Variants in EDEM3 observed in about 807,000 individuals in gnomAD.
EDEM3 encodes ER degradation enhancing alpha-mannosidase like protein 3.
EDEM3 carries 60 observed loss-of-function variants against 110.2 expected under a neutral mutation model. The observed-to-expected ratio is 0.54, with a 90% confidence interval of 0.44 to 0.67. The LOEUF (loss-of-function observed/expected upper bound fraction) is 0.67. Ranked by LOEUF, EDEM3 falls within the 30% of genes least tolerant of loss-of-function variation. EDEM3 has a pLI of 0.00. For missense variants in EDEM3, 996 were observed against 1,121.0 expected, an observed-to-expected ratio of 0.89 and a Z score of 1.59; for synonymous variants, 352 against 382.9, an observed-to-expected ratio of 0.92 and a Z score of 0.94.
In EDEM3 at chr1:184,716,943, C is replaced by T; in HGVS notation, c.1315G>A (p.Val439Met). Residue 439 changes from valine to methionine, a missense_variant, in exon 13 of 20, where the codon GTG (valine) becomes ATG (methionine). By Grantham distance (21) the Val-to-Met change is conservative. Coordinates refer to ENST00000318130, the MANE Select transcript of EDEM3 (RefSeq NM_025191.4). ...TTCATGGCAGCAAATCCGCAAGGCA[C>T]TCTAGCATATTTATTTAAATTTTCA... ...LIENLNKYARVPCGFAAMKDV... is the reference protein window; with the variant it reads ...LIENLNKYARMPCGFAAMKDV... 1 of 1,613,258 alleles carries T rather than the reference C, an allele frequency of 6.2e-7. No homozygotes were observed. Among genetic ancestry groups the T allele is most frequent in the Non-Finnish European group, 8.5e-7 (1 of 1,179,338 alleles).
intron 2 of EDEM3, among the ~76,000 whole-genome samples, chr1:184,746,226 T>C (rs956121583): frequency 6.6e-6 from 1 of 152,204 alleles, no homozygotes; most frequent in South Asian, 2.1e-4. Context: ...TGTAGTAATC[T>C]ACCTAAAGCT....
Position 184,711,931 on chromosome 1 carries a change from A to ATTT in EDEM3, c.1537-57_1537-55dup, listed in dbSNP as rs35621191. The ATTT allele has an allele frequency of 1.2e-4, 131 of 1,073,236 alleles. No homozygotes were observed. In the East Asian group the frequency reaches 1.6e-3, roughly 13 times the overall value. The allele number at this position is 1,073,236 out of a possible 1,614,324, so 66.5% of individuals were successfully genotyped here. A position where few individuals can be genotyped will look rare whatever the true frequency, so the allele number is the denominator to read the frequency against. ...AGAAATAATTATTTTACTTAACATA[A>ATTT]TTTTTTTTTTTTTGAAATGGAGTCT... On this transcript the variant is annotated intron_variant, in intron 14 of 19. Transcript: ENST00000318130.
intron 19 of EDEM3, among the ~76,000 whole-genome samples, chr1:184,696,012 T>C (rs1288249352): frequency 6.6e-6 from 1 of 151,962 alleles, no homozygotes; most frequent in African/African-American, 2.4e-5. Context: ...TCTGATCCTC[T>C]TTCCTGAAGC....
intron 17 of EDEM3, 130 bp downstream of exon 17, chr1:184,708,023 A>G (rs1650024644): frequency 2.4e-6 from 2 of 831,324 alleles, no homozygotes; most frequent in African/African-American, 3.6e-5. Context: ...ACTTTACTTA[A>G]ATCCAGGAGA....
At chr1:184,738,220 G>A (rs1452133829) in intron 2 of EDEM3, among the ~76,000 whole-genome samples, 1 of 152,094 alleles carries the variant, frequency 6.6e-6, no homozygotes, top group Admixed American at 6.5e-5. Context: ...TATTCTAAGT[G>A]ATATTCTATC....
rs1430906532 is a variant in EDEM3 at position 184,698,687 on chromosome 1, A to G, written c.2389+4124T>C. Reference sequence around the variant, plus strand: ...AATTTGTTACAAGTTTAATTTTATAAAGTTTTTAAAAAGATACCAATAACT... The same window carrying G: ...AATTTGTTACAAGTTTAATTTTATAGAGTTTTTAAAAAGATACCAATAACT... On this transcript the variant is annotated intron_variant, in intron 19 of 19. Transcript: ENST00000318130. Among the ~76,000 whole-genome samples, 9 of 151,840 alleles carry G rather than the reference A, an allele frequency of 5.9e-5. No homozygotes were observed. The East Asian group carries it at 1.7e-3, about 29-fold the overall frequency.
rs527620223 is a variant in EDEM3, at chr1:184,701,665, C to G, written c.2389+1146G>C. Reference sequence around the variant, plus strand: ...AATGCATATATGTAGGCAAGAAGATCTGAGTTTAGAAAAGGGCCCAGGAAA... The same window carrying G: ...AATGCATATATGTAGGCAAGAAGATGTGAGTTTAGAAAAGGGCCCAGGAAA... On this transcript the variant is annotated intron_variant, in intron 19 of 19. Coordinates refer to ENST00000318130, the MANE Select transcript of EDEM3 (RefSeq NM_025191.4). The G allele has an allele frequency of 2.8e-5, 16 of 577,784 alleles. No individual in the cohort carries two copies. In the African/African-American group the frequency reaches 2.8e-4, roughly 10 times the overall value. The allele number at this position is 577,784 out of a possible 1,614,324, so 35.8% of individuals were successfully genotyped here.
At chr1:184,744,247 CAA>C (rs1652294090) in intron 2 of EDEM3, among the ~76,000 whole-genome samples, 6 of 63,280 alleles carry the variant, frequency 9.5e-5, no homozygotes, top group Admixed American at 2.1e-4. Context: ...GAACAAATGA[CAA>C]ATATATATAT....
At chr1:184,704,622 C>T (rs1318093505) in intron 18 of EDEM3, among the ~76,000 whole-genome samples, 1 of 113,350 alleles carries the variant, frequency 8.8e-6, no homozygotes, top group African/African-American at 3.6e-5. Flanking sequence ...TGCACTCTAG[C>T]CTGGGTGACA....
chr1:184,754,314 G>C (rs1205954600), intron 1 of EDEM3, among the ~76,000 whole-genome samples, 175 bp downstream of exon 1: 1 of 152,102 alleles, frequency 6.6e-6, no homozygotes, highest in Non-Finnish European at 1.5e-5. Context: ...AGGTCAGGTC[G>C]CGGGCGGCGG....
chr1:184,725,137 T>A (rs1383555737), intron 7 of EDEM3, among the ~76,000 whole-genome samples: 1 of 152,242 alleles, frequency 6.6e-6, no homozygotes, highest in Non-Finnish European at 1.5e-5. Flanking sequence ...CTTTGTCAAC[T>A]GCATCTTCTC....
At chr1:184,715,202 T>TATATTATTCCAGTATATATAATA (rs1352172086) in intron 13 of EDEM3, among the ~76,000 whole-genome samples, 1 of 152,158 alleles carries the variant, frequency 6.6e-6, no homozygotes, top group Non-Finnish European at 1.5e-5. Context: ...TTATTATATA[T>TATATTATTCCAGTATATATAATA]ACTGGAATGC....
At chr1:184,734,868 T>C (rs1286407247) in intron 4 of EDEM3, among the ~76,000 whole-genome samples, 1 of 152,220 alleles carries the variant, frequency 6.6e-6, no homozygotes, top group African/African-American at 2.4e-5. Flanking sequence ...ACCGAAATAT[T>C]ATGAGGACTT....
intron 2 of EDEM3, among the ~76,000 whole-genome samples, chr1:184,744,481 T>C (rs1453457270): frequency 6.6e-6 from 1 of 151,564 alleles, no homozygotes; most frequent in Non-Finnish European, 1.5e-5. Flanking sequence ...TGCAAAATAT[T>C]ATAGCCATTT....
chr1:184,713,818 G>A (rs1221523419), intron 13 of EDEM3, among the ~76,000 whole-genome samples: 1 of 152,074 alleles, frequency 6.6e-6, no homozygotes, highest in Admixed American at 6.5e-5. Context: ...TTCTGTAAAA[G>A]GAATATAACA....
intron 19 of EDEM3, 144 bp from the exon 20 acceptor site, chr1:184,694,616 G>A (rs1271037915): frequency 3.9e-6 from 3 of 764,570 alleles, no homozygotes; most frequent in Non-Finnish European, 6.1e-6. Flanking sequence ...CATCAGCACT[G>A]AAATGAAGAC....
At chr1:184,727,285 T>C (rs1370921770) in intron 6 of EDEM3, among the ~76,000 whole-genome samples, 2 of 152,038 alleles carry the variant, frequency 1.3e-5, no homozygotes, top group Non-Finnish European at 2.9e-5. Flanking sequence ...GCAAGACCTT[T>C]ACTATTACAA....
intron 19 of EDEM3, among the ~76,000 whole-genome samples, chr1:184,699,020 A>T (rs1282559720): frequency 6.6e-6 from 1 of 151,880 alleles, no homozygotes; most frequent in Non-Finnish European, 1.5e-5. Context: ...TCAAAGTCGT[A>T]AGAGCATAAC....
At chr1:184,711,546 T>G (rs188778862) in intron 15 of EDEM3, among the ~76,000 whole-genome samples, 177 bp downstream of exon 15, 1 of 152,252 alleles carries the variant, frequency 6.6e-6, no homozygotes, top group East Asian at 1.9e-4. Flanking sequence ...TACTGCAAAA[T>G]AAGCTTTACT....
Sources: allele counts gnomAD v4.1 joint callset (sites outside exome capture counted in the v4.1 genomes callset), GRCh38; gene constraint gnomAD v4.1.1; transcripts MANE v1.5; gene names NCBI Gene and HGNC (gene_info 2026-07-23, HGNC 2026-07-21).